The following NRG2 variants were observed in gnomAD, a reference collection of about 807,000 sequenced individuals.
The protein encoded by NRG2 is pro-neuregulin-2, membrane-bound isoform.
A neutral mutation model predicts 73.9 loss-of-function variants in NRG2; 27 were observed. That is an observed-to-expected ratio of 0.37 (90% CI 0.27 to 0.50). The LOEUF (loss-of-function observed/expected upper bound fraction) is 0.50. NRG2 is among the 20% of genes least tolerant of loss of function. The pLI, the probability that NRG2 is intolerant of heterozygous loss-of-function variation, is 0.96. For synonymous variants in NRG2, 532 were observed against 541.0 expected (o/e 0.98, Z 0.23); for missense variants, 1,126 against 1,210.1 (o/e 0.93, Z 1.03).
At chr5:139,991,665 G>A (rs1167076165) in intron 1 of NRG2, among the ~76,000 whole-genome samples, 3 of 152,156 alleles carry the variant, frequency 2.0e-5, no homozygotes, top group East Asian at 3.8e-4. Flanking sequence ...CCAAAGTGCT[G>A]GGATTACAGG....
intron 1 of NRG2, among the ~76,000 whole-genome samples, chr5:140,031,573 C>G (rs1042481775): frequency 6.6e-6 from 1 of 152,176 alleles, no homozygotes; most frequent in Non-Finnish European, 1.5e-5. Context: ...GCTGTTTTCT[C>G]TCATCCAGAG....
intron 3 of NRG2, among the ~76,000 whole-genome samples, chr5:139,878,890 G>T (rs1763354040): frequency 6.6e-6 from 1 of 152,192 alleles, no homozygotes; most frequent in Admixed American, 6.5e-5. Context: ...CTTGGAGCAG[G>T]TTATAAGTTC....
chr5:139,910,882 C>A (rs766338522), intron 1 of NRG2, among the ~76,000 whole-genome samples: 5 of 152,028 alleles, frequency 3.3e-5, no homozygotes, highest in South Asian at 2.1e-4. Context: ...ATTTTCAGAC[C>A]CTCTTTGGAG....
Position 139,894,004 on chromosome 5 carries a change from G to A in NRG2, c.701-6493C>T, listed in dbSNP as rs776122616. 2.0e-5 allele frequency among the ~76,000 whole-genome samples: 3 copies of A among 152,158 alleles called. No individual in the cohort carries two copies. The highest frequency in any genetic ancestry group is 2.9e-5 in the Non-Finnish European group (2 of 68,028). On this transcript the variant is annotated intron_variant, in intron 1 of 9. Transcript: ENST00000361474. This position sits in a 1 kb window ranked among gnomAD's most constrained non-coding sequence, Gnocchi z 5.0. ...CAGGAAGCTCCTCATTAAAGATAGCGACAACAGCAACAACAACCAGGACTG... is the reference window on the plus strand; with the variant it reads ...CAGGAAGCTCCTCATTAAAGATAGCAACAACAGCAACAACAACCAGGACTG...
At chr5:139,978,748 G>T (rs1223542682) in intron 1 of NRG2, among the ~76,000 whole-genome samples, 1 of 152,024 alleles carries the variant, frequency 6.6e-6, no homozygotes, top group African/African-American at 2.4e-5. Context: ...GCGGCACTAT[G>T]TTTACTGTGG....
intron 1 of NRG2, among the ~76,000 whole-genome samples, chr5:140,030,514 G>A (rs1271477690): frequency 1.3e-5 from 2 of 152,208 alleles, no homozygotes; most frequent in East Asian, 3.8e-4. Flanking sequence ...GCCTGGCAGA[G>A]GTGAAAACAG....
rs543759452 is a variant in NRG2 at position 139,960,331 on chromosome 5, G to A, written c.701-72820C>T. Among the ~76,000 whole-genome samples, 5 of 152,258 alleles carry A rather than the reference G, an allele frequency of 3.3e-5. No individual in the cohort carries two copies. The South Asian group carries it at 8.3e-4, about 25-fold the overall frequency. ...GGAGTTCGAGACCAGCCCAGCCAACGTGGTGAAACCCAGTTTCTACTAAAA... is the reference window on the plus strand; with the variant it reads ...GGAGTTCGAGACCAGCCCAGCCAACATGGTGAAACCCAGTTTCTACTAAAA... On this transcript the variant is annotated intron_variant, in intron 1 of 9. Transcript: ENST00000361474.
intron 9 of NRG2, 59 bp from the exon 10 acceptor site, chr5:139,848,756 GGGTT>G: frequency 8.9e-6 from 7 of 788,372 alleles, no homozygotes; most frequent in Middle Eastern, 4.1e-4. Context: ...GGGGGAGGGG[GGGTT>G]GGGGGTGGGG....
At chr5:139,854,246 C>T (rs949674699) in intron 6 of NRG2, among the ~76,000 whole-genome samples, 1 of 152,260 alleles carries the variant, frequency 6.6e-6, no homozygotes, top group Non-Finnish European at 1.5e-5. Context: ...GGCCTTTGCG[C>T]ATGCCAGGCC....
intron 1 of NRG2, among the ~76,000 whole-genome samples, chr5:139,903,812 C>T (rs1765037532): frequency 6.6e-6 from 1 of 152,224 alleles, no homozygotes; most frequent in Admixed American, 6.5e-5. Flanking sequence ...AGTTGGCGGG[C>T]GCTGTTGCCC....
chr5:139,848,475 CCCGGGCCCGGGCCCGGGTCCGGGT>C lies in NRG2; in HGVS notation c.1971_1994del (p.Pro660_Gly667del), dbSNP rs879014325. 2.3e-6 allele frequency: 3 copies of C among 1,331,998 alleles called. No individual in the cohort carries two copies. Among genetic ancestry groups the C allele is most frequent in the Non-Finnish European group, 1.9e-6 (2 of 1,056,468 alleles). 82.5% of individuals were successfully genotyped at this position (1,331,998 alleles called of 1,614,324 possible). A position where few individuals can be genotyped will look rare whatever the true frequency, so the allele number is the denominator to read the frequency against. ...AGCTGCGCTGCATGTCTGCGCCGGG[CCCGGGCCCGGGCCCGGGTCCGGGT>C]CCCGGGCCGGGGGGCGCCGGGTGCC... On this transcript the variant is annotated inframe_deletion, in exon 10 of 10. Coordinates refer to ENST00000361474, the MANE Select transcript of NRG2 (RefSeq NM_004883.3).
Position 140,043,189 on chromosome 5 carries a change from G to A in NRG2, c.-120C>T. 8.2e-7 allele frequency: 1 copy of A among 1,213,492 alleles called. No individual in the cohort carries two copies. The highest frequency in any genetic ancestry group is 1.1e-6 in the Non-Finnish European group (1 of 904,112). The allele number at this position is 1,213,492 out of a possible 1,614,324, so 75.2% of individuals were successfully genotyped here. On this transcript the variant is annotated 5_prime_UTR_variant, in exon 1 of 10. Transcript: ENST00000361474. This position sits in a 1 kb window ranked among gnomAD's most constrained non-coding sequence, Gnocchi z 6.7. ...AGCGCCTCTTAGCCCTCCACCGGCA[G>A]CCCGGGGAGGTGGCCCAGCTAGGGC...
rs1411626419 is a variant in NRG2 at position 139,847,792 on chromosome 5, T to G, written c.*125A>C. The G allele has an allele frequency of 1.9e-5, 13 of 677,638 alleles. No individual in the cohort carries two copies. Among genetic ancestry groups the G allele is most frequent in the Non-Finnish European group, 2.7e-5 (13 of 474,592 alleles). The allele number at this position is 677,638 out of a possible 1,614,324, so 42.0% of individuals were successfully genotyped here. A position where few individuals can be genotyped will look rare whatever the true frequency, so the allele number is the denominator to read the frequency against. On this transcript the variant is annotated 3_prime_UTR_variant, in exon 10 of 10. Coordinates refer to ENST00000361474, the MANE Select transcript of NRG2 (RefSeq NM_004883.3). ...ATGAAAATAAAACATTTTGTTATAC[T>G]TTTTTCCTTTTATAGAAAATAAAAA...
At chr5:139,918,280 C>T (rs1751416360) in intron 1 of NRG2, among the ~76,000 whole-genome samples, 1 of 151,880 alleles carries the variant, frequency 6.6e-6, no homozygotes, top group Non-Finnish European at 1.5e-5. Context: ...CTCTGGTGGT[C>T]ATATCAAGAA....
intron 1 of NRG2, among the ~76,000 whole-genome samples, chr5:139,903,225 GGACCTTT>G (rs1765001966): frequency 6.6e-6 from 1 of 152,150 alleles, no homozygotes; most frequent in South Asian, 2.1e-4. Flanking sequence ...GCAAGTCTCA[GGACCTTT>G]GTCCTGAGAA....
Position 139,887,767 on chromosome 5 carries a change from T to C in NRG2, c.701-256A>G, listed in dbSNP as rs1417810981. On this transcript the variant is annotated intron_variant, in intron 1 of 9. Coordinates refer to ENST00000361474, the MANE Select transcript of NRG2 (RefSeq NM_004883.3). The surrounding 1 kb of genome is among the most constrained non-coding windows in gnomAD (Gnocchi z 4.5). ...GAATGGTATGAAGCTTTACATTAGC[T>C]TATGAAACCTTCACAGTAACCCCAT... 2.6e-5 allele frequency among the ~76,000 whole-genome samples: 4 copies of C among 152,176 alleles called. No individual in the cohort carries two copies. Among genetic ancestry groups the C allele is most frequent in the Non-Finnish European group, 4.4e-5 (3 of 68,028 alleles).
At chr5:140,012,194 C>T (rs1173146159) in intron 1 of NRG2, among the ~76,000 whole-genome samples, 3 of 149,196 alleles carry the variant, frequency 2.0e-5, no homozygotes, top group Non-Finnish European at 4.4e-5. Context: ...TCTTCAAAAT[C>T]CCAACTCAAA....
rs1421183280 is a variant in NRG2 at position 139,865,941 on chromosome 5, G to A, written c.1113-316C>T. ...TGAGACTTTCCTTCTTACCTGCCTG[G>A]TGCCCCATGAAGCAAGCACTGTGGC... On this transcript the variant is annotated intron_variant, in intron 4 of 9. Coordinates refer to ENST00000361474, the MANE Select transcript of NRG2 (RefSeq NM_004883.3). This position sits in a 1 kb window ranked among gnomAD's most constrained non-coding sequence, Gnocchi z 5.2. 2.6e-5 allele frequency among the ~76,000 whole-genome samples: 4 copies of A among 152,130 alleles called. No homozygotes were observed. The highest frequency in any genetic ancestry group is 9.7e-5 in the African/African-American group (4 of 41,422).
At chr5:139,973,266 T>C (rs1256233319) in intron 1 of NRG2, among the ~76,000 whole-genome samples, 2 of 152,112 alleles carry the variant, frequency 1.3e-5, no homozygotes, top group Non-Finnish European at 2.9e-5. Context: ...TAAATTATGG[T>C]TGTATTTATA....
Sources: gnomAD v4.1 joint callset for allele counts (sites outside exome capture counted in the v4.1 genomes callset) on GRCh38, gnomAD v4.1.1 for gene constraint, Gnocchi (gnomAD v3.1) non-coding constraint, MANE v1.5 for transcripts, NCBI Gene and HGNC (gene_info 2026-07-23, HGNC 2026-07-21) for gene names.